Variants in NDRG1 observed in about 807,000 individuals in gnomAD.
NDRG1 encodes the protein N-myc downstream regulated 1.
Under a neutral mutation model 56.9 loss-of-function variants are expected in NDRG1, and 32 were observed. The observed-to-expected ratio is 0.56, with a 90% CI of 0.42 to 0.76. NDRG1 has a LOEUF of 0.76. Ranked by LOEUF, NDRG1 falls within the 30% of genes least tolerant of loss-of-function variation. The pLI is 0.00. For missense variants in NDRG1, 507 were observed against 545.7 expected (o/e 0.93, Z 0.71); for synonymous variants, 211 against 204.1 (o/e 1.03, Z -0.29).
chr8:133,254,362 G>GA (rs989104258), intron 9 of NDRG1, among the ~76,000 whole-genome samples, 177 bp downstream of exon 9: 2 of 152,200 alleles, frequency 1.3e-5, no homozygotes, highest in African/African-American at 4.8e-5. Flanking sequence ...AAAAGAGAGA[G>GA]AATGAATGAC....
At chr8:133,243,398 T>C (rs1855491635) in intron 14 of NDRG1, among the ~76,000 whole-genome samples, 2 of 152,230 alleles carry the variant, frequency 1.3e-5, no homozygotes, top group African/African-American at 2.4e-5. Flanking sequence ...CTCTCAACTT[T>C]TGGCCTCAGT....
intron 4 of NDRG1, among the ~76,000 whole-genome samples, chr8:133,262,630 C>A (rs1856715862): frequency 6.6e-6 from 1 of 152,200 alleles, no homozygotes; most frequent in South Asian, 2.1e-4. Context: ...TTCATGTGGC[C>A]TGGATGAGTC....
chr8:133,259,422 G>A lies in NDRG1; in HGVS notation c.327-192C>T, dbSNP rs557917238. 68 of 636,564 alleles carry A rather than the reference G, an allele frequency of 1.1e-4. No homozygotes were observed. The South Asian group carries it at 1.1e-3, about 10-fold the overall frequency. 39.4% of individuals were successfully genotyped at this position (636,564 alleles called of 1,614,324 possible). ...GCACACTCTATCAATTGCTTCCTAC[G>A]CTCCAGGTCCCATGGACACATTCTG... is the stretch of plus-strand genomic sequence containing the variant. On this transcript the variant is annotated intron_variant, in intron 5 of 15. Coordinates refer to ENST00000323851, the MANE Select transcript of NDRG1 (RefSeq NM_006096.4).
intron 1 of NDRG1, chr8:133,296,513 C>A (rs750639174): frequency 2.2e-5 from 10 of 456,080 alleles, no homozygotes; most frequent in Admixed American, 1.4e-4. Flanking sequence ...CACATGCACA[C>A]CGCCCTGTGT....
intron 1 of NDRG1, among the ~76,000 whole-genome samples, chr8:133,289,756 T>C (rs1184701651): frequency 6.6e-6 from 1 of 152,076 alleles, no homozygotes; most frequent in Non-Finnish European, 1.5e-5. Flanking sequence ...CAACAGCCCC[T>C]GGGGGACTGA....
chr8:133,243,464 T>C (rs1227383635), intron 14 of NDRG1, among the ~76,000 whole-genome samples: 4 of 152,186 alleles, frequency 2.6e-5, no homozygotes, highest in Admixed American at 6.5e-5. Flanking sequence ...CTGAGGACTA[T>C]TGCAAGGACC....
chr8:133,285,214 G>C (rs975573426), intron 1 of NDRG1, among the ~76,000 whole-genome samples: 2 of 152,154 alleles, frequency 1.3e-5, no homozygotes, highest in Non-Finnish European at 1.5e-5. Flanking sequence ...AGAAGTATAA[G>C]CATGTATTCT....
intron 5 of NDRG1, among the ~76,000 whole-genome samples, chr8:133,261,707 G>GT (rs1370456634): frequency 2.0e-5 from 3 of 152,102 alleles, no homozygotes; most frequent in Non-Finnish European, 4.4e-5. Flanking sequence ...CACACCTATC[G>GT]TAACGCCAGC....
chr8:133,256,970 T>C (rs1467883553), intron 7 of NDRG1, 107 bp from the exon 8 acceptor site: 2 of 1,083,432 alleles, frequency 1.8e-6, no homozygotes, highest in African/African-American at 3.1e-5. Flanking sequence ...AAAGGCAGTG[T>C]GGGCAGCAGA....
At position 133,239,088 on chromosome 8, in the gene NDRG1, C is replaced by T. The variant is rs375099070; in HGVS notation, c.975G>A (p.Arg325=). The T allele has an allele frequency of 4.6e-5, 72 of 1,568,822 alleles. No homozygotes were observed. The highest frequency in any genetic ancestry group is 6.1e-5 in the Non-Finnish European group (71 of 1,157,028). ...CGCTGGAACCAGAGGCTGTGCGGGACCGCATCAGGCGGGTCATGCTAGCCG... is the reference window on the plus strand; with the variant it reads ...CGCTGGAACCAGAGGCTGTGCGGGATCGCATCAGGCGGGTCATGCTAGCCG... ...MPSASMTRLM[R]SRTASGSSVT... is the part of the protein sequence containing the mutation. Residue 325 remains arginine (R), a synonymous_variant, in exon 16 of 16, where the codon CGG becomes CGA. Coordinates refer to ENST00000323851, the MANE Select transcript of NDRG1 (RefSeq NM_006096.4).
At chr8:133,291,233 C>T (rs990012416) in intron 1 of NDRG1, among the ~76,000 whole-genome samples, 3 of 152,194 alleles carry the variant, frequency 2.0e-5, no homozygotes, top group Admixed American at 6.5e-5. Flanking sequence ...GTGTTCTCTC[C>T]AGCACATTGT....
chr8:133,241,584 T>C (rs1246285294), intron 15 of NDRG1: 5 of 246,802 alleles, frequency 2.0e-5, no homozygotes, highest in Non-Finnish European at 2.4e-5. Context: ...GGGCTAAGAA[T>C]ATGTCAAAGG....
intron 15 of NDRG1, 102 bp downstream of exon 15, chr8:133,241,921 C>T (rs933190609): frequency 2.5e-5 from 35 of 1,372,896 alleles, no homozygotes; most frequent in Non-Finnish European, 3.1e-5. Flanking sequence ...TGAAGCTGGC[C>T]AGGGGGACAC....
intron 13 of NDRG1, 96 bp from the exon 14 acceptor site, chr8:133,244,486 C>A: frequency 1.4e-6 from 2 of 1,386,990 alleles, no homozygotes; most frequent in South Asian, 2.4e-5. Flanking sequence ...CCGCCCGCTG[C>A]CCTGCCCTGC....
intron 3 of NDRG1, 23 bp downstream of exon 3, chr8:133,280,209 G>A (rs768501713): frequency 3.1e-5 from 50 of 1,613,528 alleles, no homozygotes; most frequent in Middle Eastern, 1.6e-4. Context: ...GGAAGGGGAA[G>A]GAAAGCCACA....
At chr8:133,250,706 C>T (rs1024852296) in intron 9 of NDRG1, among the ~76,000 whole-genome samples, 163 bp from the exon 10 acceptor site, 6 of 151,944 alleles carry the variant, frequency 3.9e-5, no homozygotes, top group South Asian at 2.1e-4. Flanking sequence ...GAAAGCAACA[C>T]GCCCAACCAG....
chr8:133,287,637 C>A (rs183916504), intron 1 of NDRG1, among the ~76,000 whole-genome samples: 11 of 152,290 alleles, frequency 7.2e-5, no homozygotes, highest in African/African-American at 2.4e-4. Context: ...GCGTCTGTGC[C>A]TCCTGGACAG....
In NDRG1 at chr8:133,264,641, G is replaced by A. The variant is rs1040626274; in HGVS notation, c.111C>T (p.Ile37=). 26 of 1,614,058 alleles carry A rather than the reference G, an allele frequency of 1.6e-5. No individual in the cohort carries two copies. The highest frequency in any genetic ancestry group is 3.3e-5 in the Admixed American group (2 of 60,010). Residue 37 remains isoleucine (I), a synonymous_variant, in exon 4 of 16, where the codon ATC becomes ATT. Coordinates refer to ENST00000323851, the MANE Select transcript of NDRG1 (RefSeq NM_006096.4). The part of the protein sequence containing the change: ...LQEFDVQEQD[I]ETLHGSVHVT... ...CGTGAACAGAGCCATGTAAAGTCTC[G>A]ATGTCCTGCTCCTGAGGAGACACAG...
chr8:133,264,453 C>A (rs1856811988), intron 4 of NDRG1, 94 bp downstream of exon 4: 1 of 1,153,652 alleles, frequency 8.7e-7, no homozygotes, highest in Non-Finnish European at 1.3e-6. Context: ...AAAAAGAAAC[C>A]ACCAGCTCCC....
Sources: allele counts gnomAD v4.1 joint callset (sites outside exome capture counted in the v4.1 genomes callset), GRCh38; gene constraint gnomAD v4.1.1; transcripts MANE v1.5; gene names NCBI Gene and HGNC (gene_info 2026-07-23, HGNC 2026-07-21).